The following GGCX variants were observed in gnomAD, a reference collection of about 807,000 sequenced individuals.
GGCX encodes the protein gamma-glutamyl carboxylase, also known as vitamin K-dependent gamma-carboxylase.
GGCX carries 63 observed loss-of-function variants against 88.5 expected under a neutral mutation model. The observed-to-expected ratio is 0.71, with a 90% CI of 0.58 to 0.88. GGCX has a LOEUF of 0.88. Among genes scored for constraint, GGCX ranks in the 40% least tolerant of loss-of-function variants. GGCX has a pLI of 0.00. For synonymous variants in GGCX, 368 were observed against 365.8 expected, an observed-to-expected ratio of 1.01 and a Z score of -0.07; for missense variants, 805 against 932.9, an observed-to-expected ratio of 0.86 and a Z score of 1.79.
At position 85,556,319 on chromosome 2, in the gene GGCX, C is replaced by T. The variant is rs1410942744; in HGVS notation, c.540-59G>A. The T allele has an allele frequency of 2.0e-5, 20 of 1,025,178 alleles. 1 individual carries two copies. Among genetic ancestry groups the T allele is most frequent in the South Asian group, 1.9e-4 (15 of 78,448 alleles). 63.5% of individuals were successfully genotyped at this position (1,025,178 alleles called of 1,614,324 possible). ...CTGCTTAATGCAGCTACATCTCCAT[C>T]CTTCCTTTTATACACGATAATCCTA... On this transcript the variant is annotated intron_variant, in intron 4 of 14. Coordinates refer to ENST00000233838, the MANE Select transcript of GGCX (RefSeq NM_000821.7).
At position 85,550,737 on chromosome 2, in the gene GGCX, T is replaced by C. The variant is rs1573319004; in HGVS notation, c.1902A>G (p.Leu634=). Residue 634 remains leucine, a synonymous_variant, in exon 14 of 15, where the codon CTA becomes CTG. Coordinates refer to ENST00000233838, the MANE Select transcript of GGCX (RefSeq NM_000821.7). The part of the protein sequence containing the change: ...KVENGSETGP[L]PPELQPLLEG... ...CCAACAGAGGCTGCAGCTCTGGGGG[T>C]AGAGGCCCTGTTTCTGCCCGGAAGA... 1 of 1,613,666 alleles carries C rather than the reference T, an allele frequency of 6.2e-7. No individual in the cohort carries two copies.
rs1314314282 is a variant in GGCX at position 85,561,413 on chromosome 2, C to G, written c.16G>C (p.Gly6Arg). 3 of 1,572,894 alleles carry G rather than the reference C, an allele frequency of 1.9e-6. No homozygotes were observed. Among genetic ancestry groups the G allele is most frequent in the Non-Finnish European group, 2.6e-6 (3 of 1,159,696 alleles). Residue 6 changes from glycine to arginine, a missense_variant, in exon 1 of 15, where the codon GGG becomes CGG. Transcript: ENST00000233838. MAVSA[G>R]SARTSPSSDK... The stretch of plus-strand genomic sequence containing the variant: ...GAGCTGGGCGAGGTCCGCGCGGACC[C>G]GGCAGACACCGCCATTGCTCTGCGG...
Position 85,561,386 on chromosome 2 carries a change from C to G in GGCX, c.43G>C (p.Asp15His). 6.4e-7 allele frequency: 1 copy of G among 1,567,918 alleles called. No individual in the cohort carries two copies. Among genetic ancestry groups the G allele is most frequent in the Non-Finnish European group, 8.7e-7 (1 of 1,155,958 alleles). Residue 15 changes from aspartate to histidine, a missense_variant and splice_region_variant, in exon 1 of 15, where the codon GAT (aspartate) becomes CAT (histidine). Asp to His is a moderately conservative substitution (Grantham distance 81, BLOSUM62 -1). Transcript: ENST00000233838. The part of the protein sequence containing the change: ...AGSARTSPSS[D>H]KVQKDKAELI... The stretch of plus-strand genomic sequence containing the variant: ...CCGGAGGGCGGGGTCCTAAGCCTAC[C>G]TGAGCTGGGCGAGGTCCGCGCGGAC...
rs72843846 is a variant in GGCX, at chr2:85,553,709, C to T, written c.890-212G>A. On this transcript the variant is annotated intron_variant, in intron 7 of 14. Coordinates refer to ENST00000233838, the MANE Select transcript of GGCX (RefSeq NM_000821.7). ...CTGCCTCCTGGGTTCAAGCGATTCT[C>T]TTGCCTCAGCCTCCCAAGTAGCTGG... 23,602 of 563,000 alleles carry T rather than the reference C, an allele frequency of 0.042. 683 individuals are homozygous for T. The highest frequency in any genetic ancestry group is 0.11 in the African/African-American group (5,875 of 53,000). 34.9% of individuals were successfully genotyped at this position (563,000 alleles called of 1,614,324 possible). A position where few individuals can be genotyped will look rare whatever the true frequency, so the allele number is the denominator to read the frequency against.
chr2:85,553,896 C>T (rs1040684703), intron 7 of GGCX: 21 of 533,096 alleles, frequency 3.9e-5, no homozygotes, highest in Non-Finnish European at 5.4e-5. Context: ...CCACCAAGCC[C>T]GGCCACAAAG....
intron 11 of GGCX, 61 bp from the exon 12 acceptor site, chr2:85,551,671 G>A: frequency 6.2e-7 from 1 of 1,602,002 alleles, no homozygotes; most frequent in Non-Finnish European, 8.5e-7. Context: ...CTCCCAGCCA[G>A]AACAGAGACA....
rs991686706 is a variant in GGCX, at chr2:85,545,704, T to G, written c.*4230A>C. ...ACTAAGGTTGAGGGCTTCAAACCAT[T>G]GAAGGCATAAAAACCGCTAAAAGTA... On this transcript the variant is annotated 3_prime_UTR_variant, in exon 15 of 15. Transcript: ENST00000233838. 6.7e-6 allele frequency: 1 copy of G among 148,170 alleles called. No homozygotes were observed. The highest frequency in any genetic ancestry group is 1.5e-5 in the Non-Finnish European group (1 of 68,000). 9.2% of individuals were successfully genotyped at this position (148,170 alleles called of 1,614,324 possible). A position where few individuals can be genotyped will look rare whatever the true frequency, so the allele number is the denominator to read the frequency against.
chr2:85,557,373 G>A (rs1417602579), intron 4 of GGCX, among the ~76,000 whole-genome samples: 1 of 152,042 alleles, frequency 6.6e-6, no homozygotes, highest in East Asian at 1.9e-4. Context: ...TGTTGTTCCA[G>A]CTACTCAGGA....
Position 85,556,186 on chromosome 2 carries a change from C to T in GGCX, c.614G>A (p.Gly205Asp), listed in dbSNP as rs749978184. The change falls in exon 5 of 15, where the codon GGC (glycine) becomes GAC (aspartate). Residue 205 changes from glycine (G) to aspartate (D), a missense_variant. This residue lies in a region of GGCX where 680 missense variants were observed against 763.7 expected (regional missense o/e 0.89). Coordinates refer to ENST00000233838, the MANE Select transcript of GGCX (RefSeq NM_000821.7). Reference sequence around the variant, plus strand: ...CTCTGTCCTAAAATGCTGTACCTGGCCACGGAGCACTGCATAGTTCCAAAG... The same window carrying T: ...CTCTGTCCTAAAATGCTGTACCTGGTCACGGAGCACTGCATAGTTCCAAAG... ...VPLWNYAVLR[G>D]QIFIVYFIAG... is the part of the protein sequence containing the mutation. 10 of 1,604,320 alleles carry T rather than the reference C, an allele frequency of 6.2e-6. No homozygotes were observed. The Admixed American group carries it at 1.7e-4, about 27-fold the overall frequency.
rs893957344 is a variant in GGCX at position 85,545,457 on chromosome 2, AAATGCTATCATATGAATAACCTG to A, written c.*4454_*4476del. Reference sequence around the variant, plus strand: ...GGTGACTGAGACTTTGGCTCTTAAAAAATGCTATCATATGAATAACCTGAGAATACTATATGTGTATCTTTAAC... The same window carrying A: ...GGTGACTGAGACTTTGGCTCTTAAAAAGAATACTATATGTGTATCTTTAAC... On this transcript the variant is annotated 3_prime_UTR_variant, in exon 15 of 15. Transcript: ENST00000233838. 2.0e-5 allele frequency: 3 copies of A among 152,236 alleles called. No homozygotes were observed. Among genetic ancestry groups the A allele is most frequent in the African/African-American group, 7.2e-5 (3 of 41,442 alleles). 9.4% of individuals were successfully genotyped at this position (152,236 alleles called of 1,614,324 possible). A position where few individuals can be genotyped will look rare whatever the true frequency, so the allele number is the denominator to read the frequency against.
At chr2:85,559,137 G>T in intron 2 of GGCX, 62 bp from the exon 3 acceptor site, 1 of 1,369,656 alleles carries the variant, frequency 7.3e-7, no homozygotes, top group Non-Finnish European at 1.0e-6. Flanking sequence ...AGAATACAGT[G>T]GAACACAGTT....
rs11350741 is a variant in GGCX, at chr2:85,561,278, GA to G, written c.43+107del. On this transcript the variant is annotated intron_variant, in intron 1 of 14. Coordinates refer to ENST00000233838, the MANE Select transcript of GGCX (RefSeq NM_000821.7). The stretch of plus-strand genomic sequence containing the variant: ...ACAGCACGCCCCCTTCCCCACAGAG[GA>G]CCCCCCCCCCGCCTCACCGGGAGAC... The G allele has an allele frequency of 0.34, 191,738 of 564,568 alleles. 28,096 individuals carry two copies. Among genetic ancestry groups the G allele is most frequent in the African/African-American group, 0.47 (20,636 of 44,168 alleles). 35.0% of individuals were successfully genotyped at this position (564,568 alleles called of 1,614,324 possible).
intron 14 of GGCX, 120 bp downstream of exon 14, chr2:85,550,435 A>G (rs1691884988): frequency 1.3e-6 from 1 of 769,428 alleles, no homozygotes; most frequent in African/African-American, 1.7e-5. Flanking sequence ...TGGCAGGAAA[A>G]GATACCTAGA....
rs763122743 is a variant in GGCX, at chr2:85,550,664, A to G, written c.1975T>C (p.Phe659Leu). 1.2e-6 allele frequency: 2 copies of G among 1,614,024 alleles called. No individual in the cohort carries two copies. Residue 659 changes from phenylalanine to leucine, a missense_variant, in exon 14 of 15, where the codon TTT becomes CTT. Transcript: ENST00000233838. ...TGGAGCCTTTGTTGGCGTCTAAGAA[A>G]GGTCTGAACCAGAGGTGTTGGCTCA... ...GPEPTPLVQTFLRRQQRLQEI... is the reference protein window; with the variant it reads ...GPEPTPLVQTLLRRQQRLQEI...
Position 85,553,324 on chromosome 2 carries a change from T to C in GGCX, c.1063A>G (p.Lys355Glu), listed in dbSNP as rs777171494. The C allele has an allele frequency of 6.2e-7, 1 of 1,614,226 alleles. No homozygotes were observed. The highest frequency in any genetic ancestry group is 8.5e-7 in the Non-Finnish European group (1 of 1,180,034). Residue 355 changes from lysine to glutamate, a missense_variant, in exon 8 of 15, where the codon AAG becomes GAG. Physicochemically the swap from Lys to Glu is moderately conservative, Grantham distance 56. This residue lies in a region of GGCX where 680 missense variants were observed against 763.7 expected (regional missense o/e 0.89). Transcript: ENST00000233838. ...CCCAGCTGATGGCGCAGCCCTGGCT[T>C]CTGGCCACTTTTGCCCCGGCTCCTC... ...YKRSRGKSGQKPGLRHQLGAA... is the reference protein window; with the variant it reads ...YKRSRGKSGQEPGLRHQLGAA...
intron 7 of GGCX, chr2:85,553,935 T>C (rs1692092022): frequency 1.6e-6 from 1 of 609,968 alleles, no homozygotes; most frequent in Non-Finnish European, 3.0e-6. Flanking sequence ...TATTTGTTCT[T>C]CCTGGAGATT....
At chr2:85,553,809 C>G in intron 7 of GGCX, 1 of 462,680 alleles carries the variant, frequency 2.2e-6, no homozygotes, top group Non-Finnish European at 4.0e-6. Context: ...CCATGTTGGT[C>G]AGGCCGGTCT....
At position 85,552,475 on chromosome 2, in the gene GGCX, G is replaced by A; in HGVS notation, c.1380C>T (p.Val460=). The change falls in exon 10 of 15, where the codon GTC becomes GTT. Residue 460 remains valine, a synonymous_variant. Coordinates refer to ENST00000233838, the MANE Select transcript of GGCX (RefSeq NM_000821.7). ...TATCAAAGTAGATCTGGGGCTCAGT[G>A]ACATTATACTTGGGAAGCAGGCGGC... ...CLSRLLPKYN[V]TEPQIYFDIW... is the part of the protein sequence containing the mutation. The A allele has an allele frequency of 2.5e-6, 4 of 1,613,680 alleles. No individual in the cohort carries two copies. Among genetic ancestry groups the A allele is most frequent in the Non-Finnish European group, 3.4e-6 (4 of 1,179,618 alleles).
chr2:85,561,236 C>A, intron 1 of GGCX, 150 bp downstream of exon 1: 1 of 641,804 alleles, frequency 1.6e-6, no homozygotes, highest in Non-Finnish European at 2.7e-6. Context: ...TCAGAAGCCG[C>A]AGGCTGCAAA....
Sources: allele counts gnomAD v4.1 joint callset (sites outside exome capture counted in the v4.1 genomes callset), GRCh38; gene constraint gnomAD v4.1.1; regional missense constraint gnomAD v4.1.1; transcripts MANE v1.5; gene names NCBI Gene and HGNC (gene_info 2026-07-23, HGNC 2026-07-21).